The following PKHD1L1 variants were observed in gnomAD, a reference collection of about 807,000 sequenced individuals.
The protein encoded by PKHD1L1 is PKHD1 like 1.
PKHD1L1 carries 434 observed loss-of-function variants against 462.9 expected under a neutral mutation model. The observed-to-expected ratio is 0.94, with a 90% CI of 0.87 to 1.02. PKHD1L1 has a LOEUF of 1.02. PKHD1L1 is among the 50% of genes least tolerant of loss of function. The pLI, the probability that PKHD1L1 is intolerant of heterozygous loss-of-function variation, is 0.00. For synonymous variants in PKHD1L1, 1,781 were observed against 1,750.0 expected, an observed-to-expected ratio of 1.02 and a Z score of -0.44; for missense variants, 5,202 against 5,096.1, an observed-to-expected ratio of 1.02 and a Z score of -0.63.
chr8:109,377,439 A>G (rs1448011635), intron 2 of PKHD1L1, among the ~76,000 whole-genome samples: 1 of 152,208 alleles, frequency 6.6e-6, no homozygotes, highest in Non-Finnish European at 1.5e-5. Flanking sequence ...TAAATAGCTT[A>G]TAAATTTACA....
At chr8:109,402,616 T>C (rs1488708621) in intron 14 of PKHD1L1, among the ~76,000 whole-genome samples, 5 of 152,178 alleles carry the variant, frequency 3.3e-5, no homozygotes, top group Non-Finnish European at 5.9e-5. Flanking sequence ...TCTGTCTGTG[T>C]CATATTTGCT....
At chr8:109,509,540 A>T (rs1819865950) in intron 70 of PKHD1L1, among the ~76,000 whole-genome samples, 2 of 151,148 alleles carry the variant, frequency 1.3e-5, no homozygotes, top group Admixed American at 6.7e-5. Flanking sequence ...GAATCACTGA[A>T]GCTTGGGATG....
chr8:109,464,649 T>A lies in PKHD1L1; in HGVS notation c.7817T>A (p.Val2606Asp), dbSNP rs765159298. The change falls in exon 49 of 78, where the codon GTT becomes GAT. Residue 2606 changes from valine to aspartate, a missense_variant. Val to Asp is a radical substitution (Grantham distance 152). Transcript: ENST00000378402. ...SYDRNICQKR[V>D]PLGEFFNNTV... ...GACAGAAACATTTGTCAAAAAAGAGTTCCCCTTGGCGAATTTTTTAACAAT... is the reference window on the plus strand; with the variant it reads ...GACAGAAACATTTGTCAAAAAAGAGATCCCCTTGGCGAATTTTTTAACAAT... 1.2e-6 allele frequency: 2 copies of A among 1,612,634 alleles called. No individual in the cohort carries two copies. Among genetic ancestry groups the A allele is most frequent in the Non-Finnish European group, 1.7e-6 (2 of 1,179,756 alleles).
In PKHD1L1 at chr8:109,445,583, C is replaced by A; in HGVS notation, c.5714C>A (p.Pro1905His). 1 of 1,611,132 alleles carries A rather than the reference C, an allele frequency of 6.2e-7. No individual in the cohort carries two copies. The highest frequency in any genetic ancestry group is 8.5e-7 in the Non-Finnish European group (1 of 1,178,344). Residue 1905 changes from proline to histidine, a missense_variant, in exon 38 of 78, where the codon CCT becomes CAT. Coordinates refer to ENST00000378402, the MANE Select transcript of PKHD1L1 (RefSeq NM_177531.6). ...KIFVNTIAYP[P>H]LLFTYALEDT... The stretch of plus-strand genomic sequence containing the variant: ...TTTGTTAATACAATTGCTTATCCAC[C>A]TTTGCTTTTTACATATGCCCTGGAG...
intron 30 of PKHD1L1, 21 bp from the exon 31 acceptor site, chr8:109,438,303 A>AT: frequency 7.0e-7 from 1 of 1,429,902 alleles, no homozygotes; most frequent in Non-Finnish European, 9.4e-7. Flanking sequence ...ATATTTTCTA[A>AT]TTTTTTTCCT....
chr8:109,365,802 C>T (rs1387849887), intron 2 of PKHD1L1, among the ~76,000 whole-genome samples: 3 of 152,032 alleles, frequency 2.0e-5, no homozygotes, highest in Admixed American at 2.0e-4. Context: ...GGTGAAACCC[C>T]GTCTCTACTA....
rs753963037 is a variant in PKHD1L1, at chr8:109,504,460, A to G, written c.10962A>G (p.Gln3654=). Residue 3654 remains glutamine, a synonymous_variant, in exon 68 of 78, where the codon CAA becomes CAG. Transcript: ENST00000378402. ...TAAAACTGGTTGATACCACTGAACAATCAAAAATATTTATACATAGGCCTG... is the reference window on the plus strand; with the variant it reads ...TAAAACTGGTTGATACCACTGAACAGTCAAAAATATTTATACATAGGCCTG... ...KNIKLVDTTE[Q]SKIFIHRPDI... 1 of 1,540,302 alleles carries G rather than the reference A, an allele frequency of 6.5e-7. No individual in the cohort carries two copies. Among genetic ancestry groups the G allele is most frequent in the South Asian group, 1.2e-5 (1 of 80,750 alleles).
chr8:109,442,924 G>A (rs763561072), intron 35 of PKHD1L1, 22 bp from the exon 36 acceptor site: 17 of 1,605,342 alleles, frequency 1.1e-5, no homozygotes, highest in African/African-American at 4.0e-5. Flanking sequence ...TATTTATTAC[G>A]TACAATCTCA....
rs1413694774 is a variant in PKHD1L1, at chr8:109,364,547, A to G, written c.74A>G (p.Asp25Gly). 1 of 1,577,102 alleles carries G rather than the reference A, an allele frequency of 6.3e-7. No individual in the cohort carries two copies. The highest frequency in any genetic ancestry group is 8.7e-7 in the Non-Finnish European group (1 of 1,154,020). The change falls in exon 2 of 78, where the codon GAT (aspartate) becomes GGT (glycine). Residue 25 changes from aspartate (D) to glycine (G), a missense_variant and splice_region_variant. By Grantham distance (94) the Asp-to-Gly change is moderately conservative. Around this residue, in one of 3 missense-constraint regions of PKHD1L1, gnomAD observed 4,497 missense variants for 4,336.8 expected, o/e 1.04. Transcript: ENST00000378402. ...LLLCAADPST[D>G]GSQIIPKVTE... ...TCTACTGTATTTTAATATTTTTCAGATGGCTCTCAAATAATCCCCAAAGTC... is the reference window on the plus strand; with the variant it reads ...TCTACTGTATTTTAATATTTTTCAGGTGGCTCTCAAATAATCCCCAAAGTC...
rs1257754334 is a variant in PKHD1L1, at chr8:109,511,440, T to C, written c.11553+506T>C. On this transcript the variant is annotated intron_variant, in intron 71 of 77. Transcript: ENST00000378402. ...ATTCCCACCTATGAGTGAGAATATG[T>C]GGTGTTTGGTTTTTTGTTCTTGCGA... 6.1e-5 allele frequency among the ~76,000 whole-genome samples: 9 copies of C among 147,942 alleles called. No homozygotes were observed. In the East Asian group the frequency reaches 1.0e-3, roughly 17 times the overall value.
rs1815736095 is a variant in PKHD1L1 at position 109,440,765 on chromosome 8, C to T, written c.4012C>T (p.Gln1338Ter). ...YVLEVTSMFP[Q>*]RGSLFGGTEI... ...TTTAGAAGTGACCAGCATGTTTCCA[C>T]AAAGAGGCTCCTTGTTTGGTGGAAC... The change falls in exon 33 of 78, where the codon CAA becomes TAA. Residue 1338 changes from glutamine (Q) to a stop codon, truncating the protein, a stop_gained. Coordinates refer to ENST00000378402, the MANE Select transcript of PKHD1L1 (RefSeq NM_177531.6). LOFTEE classifies it high-confidence loss of function. 1 of 1,612,870 alleles carries T rather than the reference C, an allele frequency of 6.2e-7. No individual in the cohort carries two copies. Among genetic ancestry groups the T allele is most frequent in the Non-Finnish European group, 8.5e-7 (1 of 1,179,232 alleles).
intron 12 of PKHD1L1, 21 bp from the exon 13 acceptor site, chr8:109,400,055 A>G: frequency 6.3e-7 from 1 of 1,583,912 alleles, no homozygotes; most frequent in Non-Finnish European, 8.6e-7. Context: ...TGAAAGTCTT[A>G]TTTTATTTCA....
intron 41 of PKHD1L1, among the ~76,000 whole-genome samples, chr8:109,451,764 G>T (rs1398851320): frequency 6.6e-6 from 1 of 152,130 alleles, no homozygotes; most frequent in Admixed American, 6.5e-5. Flanking sequence ...AAGTTCTAAA[G>T]TCCACAAACA....
Position 109,444,894 on chromosome 8 carries a change from A to G in PKHD1L1, c.5025A>G (p.Thr1675=), listed in dbSNP as rs1816034645. Residue 1675 remains threonine, a synonymous_variant, in exon 38 of 78, where the codon ACA becomes ACG. Transcript: ENST00000378402. ...ATGCAGGATCAACTACAGGAATGAC[A>G]AGCGTGACCATAAAAGGCTCTGGAT... ...LPNAGSTTGM[T]SVTIKGSGFA... is the part of the protein sequence containing the mutation. The G allele has an allele frequency of 1.2e-6, 2 of 1,614,034 alleles. No homozygotes were observed. The highest frequency in any genetic ancestry group is 2.7e-5 in the African/African-American group (2 of 75,060).
At chr8:109,445,790 G>T in intron 38 of PKHD1L1, 145 bp downstream of exon 38, 1 of 893,066 alleles carries the variant, frequency 1.1e-6, no homozygotes, top group South Asian at 1.8e-5. Context: ...TTCAAGCTCT[G>T]TGTAGTCTCT....
At position 109,402,553 on chromosome 8, in the gene PKHD1L1, GT is replaced by G. The variant is rs1813325658; in HGVS notation, c.1373+967del. On this transcript the variant is annotated intron_variant, in intron 14 of 77. Transcript: ENST00000378402. Reference sequence around the variant, plus strand: ...GGGCTTAATACCTAGGTGATGATGGGTTGATAGGTGCAGTAAAGAGGGGAGT... The same window carrying G: ...GGGCTTAATACCTAGGTGATGATGGGTGATAGGTGCAGTAAAGAGGGGAGT... Among the ~76,000 whole-genome samples the G allele has an allele frequency of 6.6e-5, 10 of 152,242 alleles. No individual in the cohort carries two copies. The South Asian group carries it at 2.1e-3, about 32-fold the overall frequency.
chr8:109,406,436 C>T lies in PKHD1L1; in HGVS notation c.1771C>T (p.Pro591Ser). The T allele has an allele frequency of 6.2e-7, 1 of 1,600,860 alleles. No individual in the cohort carries two copies. The highest frequency in any genetic ancestry group is 8.5e-7 in the Non-Finnish European group (1 of 1,173,218). The change falls in exon 17 of 78, where the codon CCC (proline) becomes TCC (serine). Residue 591 changes from proline (P) to serine (S), a missense_variant. Physicochemically the swap from Pro to Ser is moderately conservative, Grantham distance 74. Around this residue, in one of 3 missense-constraint regions of PKHD1L1, gnomAD observed 4,497 missense variants for 4,336.8 expected, o/e 1.04. Transcript: ENST00000378402. ...DTVQVIRTQN[P>S]QSYVYMVTFI... ...AGTTCAAGTAATAAGAACACAAAAT[C>T]CCCAGAGCTATGTCTACATGGTAAC...
At position 109,445,100 on chromosome 8, in the gene PKHD1L1, T is replaced by C; in HGVS notation, c.5231T>C (p.Leu1744Ser). 1 of 1,613,964 alleles carries C rather than the reference T, an allele frequency of 6.2e-7. No individual in the cohort carries two copies. The highest frequency in any genetic ancestry group is 8.5e-7 in the Non-Finnish European group (1 of 1,179,888). The change falls in exon 38 of 78, where the codon TTA becomes TCA. Residue 1744 changes from leucine (L) to serine (S), a missense_variant. Leu to Ser is a moderately radical substitution (Grantham distance 145). Around this residue, in one of 3 missense-constraint regions of PKHD1L1, gnomAD observed 4,497 missense variants for 4,336.8 expected, o/e 1.04. Transcript: ENST00000378402. ...CAGGGAAACTGCACCTTTTCATACT[T>C]AGAAAGCATCACTCCTTACATAACA... ...QCQGNCTFSY[L>S]ESITPYITGV...
chr8:109,511,374 G>A (rs991241790), intron 71 of PKHD1L1, among the ~76,000 whole-genome samples: 1 of 124,300 alleles, frequency 8.0e-6, no homozygotes, highest in Admixed American at 1.0e-4. Flanking sequence ...TCCCCAGAGT[G>A]TGATGTTCCC....
Sources: gnomAD v4.1 joint callset for allele counts (sites outside exome capture counted in the v4.1 genomes callset) on GRCh38, gnomAD v4.1.1 for gene constraint, gnomAD v4.1.1 regional missense constraint, MANE v1.5 for transcripts, NCBI Gene and HGNC (gene_info 2026-07-23, HGNC 2026-07-21) for gene names.